PPP1R8: variants seen among roughly 807,000 people sequenced by gnomAD.
PPP1R8 encodes nuclear inhibitor of protein phosphatase 1.
Under a neutral mutation model 31.3 loss-of-function variants are expected in PPP1R8, and 4 were observed. The observed-to-expected ratio is 0.13, with a 90% CI of 0.06 to 0.29. The LOEUF (loss-of-function observed/expected upper bound fraction) is 0.29, where lower values mean the gene tolerates loss of function less well. Ranked by LOEUF, PPP1R8 falls within the 10% of genes least tolerant of loss-of-function variation. The probability of loss-of-function intolerance (pLI) is 1.00; values close to 1 mark genes in which losing one functional copy is unlikely to be tolerated. For missense variants in PPP1R8, 254 were observed against 440.1 expected, an observed-to-expected ratio of 0.58 and a Z score of 3.78; for synonymous variants, 170 against 169.7, an observed-to-expected ratio of 1.00 and a Z score of -0.01.
intron 2 of PPP1R8, 69 bp downstream of exon 2, chr1:27,832,885 AC>A: frequency 6.2e-6 from 8 of 1,297,348 alleles, no homozygotes; most frequent in South Asian, 1.3e-5. Context: ...TCACTTTTCC[AC>A]CCCCTCTCCT....
intron 5 of PPP1R8, among the ~76,000 whole-genome samples, chr1:27,846,720 C>G (rs933960543): frequency 2.6e-5 from 4 of 152,184 alleles, no homozygotes; most frequent in Non-Finnish European, 4.4e-5. Flanking sequence ...TGGTGCAGAT[C>G]ACAGGCCTGT....
intron 2 of PPP1R8, among the ~76,000 whole-genome samples, chr1:27,833,577 G>A (rs1179569179): frequency 6.6e-6 from 1 of 152,028 alleles, no homozygotes; most frequent in Non-Finnish European, 1.5e-5. Flanking sequence ...TAATCCTTAC[G>A]GTATTATTTA....
chr1:27,845,591 A>C (rs1199476230), intron 5 of PPP1R8, among the ~76,000 whole-genome samples: 2 of 151,786 alleles, frequency 1.3e-5, no homozygotes, highest in African/African-American at 4.9e-5. Context: ...TATAGAAGCC[A>C]TTTGTTCATT....
rs1235894374 is a variant in PPP1R8 at position 27,850,259 on chromosome 1, T to G, written c.869T>G (p.Leu290Trp). 6.2e-7 allele frequency: 1 copy of G among 1,614,098 alleles called. No individual in the cohort carries two copies. The highest frequency in any genetic ancestry group is 8.5e-7 in the Non-Finnish European group (1 of 1,180,054). Residue 290 changes from leucine (L) to tryptophan (W), a missense_variant, in exon 7 of 7, where the codon TTG becomes TGG. Around this residue, in one of 6 missense-constraint regions of PPP1R8, gnomAD observed 105 missense variants for 128.0 expected, o/e 0.82. Transcript: ENST00000311772. ...GIHGTALIGGLPMPYPNLAPD... is the reference protein window; with the variant it reads ...GIHGTALIGGWPMPYPNLAPD... ...CATGGGACAGCACTCATCGGTGGCT[T>G]GCCCATGCCATACCCAAACCTTGCC...
intron 6 of PPP1R8, among the ~76,000 whole-genome samples, chr1:27,848,927 TGTAACCACCAC>T (rs1460453383): frequency 1.3e-5 from 2 of 152,224 alleles, no homozygotes; most frequent in Admixed American, 1.3e-4. Context: ...CAAATATATG[TGTAACCACCAC>T]CATAATCAAG....
Position 27,838,808 on chromosome 1 carries a change from A to G in PPP1R8, c.227A>G (p.Tyr76Cys), listed in dbSNP as rs989440159. 1.9e-6 allele frequency: 3 copies of G among 1,611,578 alleles called. No homozygotes were observed. Among genetic ancestry groups the G allele is most frequent in the Non-Finnish European group, 2.5e-6 (3 of 1,179,110 alleles). The change falls in exon 3 of 7, where the codon TAC becomes TGC. Residue 76 changes from tyrosine (Y) to cysteine (C), a missense_variant. Around this residue, in one of 6 missense-constraint regions of PPP1R8, gnomAD observed 52 missense variants for 145.3 expected, o/e 0.36. Transcript: ENST00000311772. ...SCSRVHAALV[Y>C]HKHLKRVFLI... ...TCTCGGGTCCATGCTGCACTTGTCT[A>G]CCACAAGCATCTGAAGAGAGTTTTC...
intron 2 of PPP1R8, among the ~76,000 whole-genome samples, chr1:27,833,190 G>T (rs926321899): frequency 2.0e-5 from 3 of 152,150 alleles, no homozygotes; most frequent in Non-Finnish European, 4.4e-5. Context: ...TAACTTCTAA[G>T]TTAATTTTAA....
At chr1:27,847,305 G>A (rs1238309130) in intron 6 of PPP1R8, among the ~76,000 whole-genome samples, 2 of 152,024 alleles carry the variant, frequency 1.3e-5, no homozygotes, top group East Asian at 1.9e-4. Flanking sequence ...TCAGGAGTTC[G>A]AGACCAACCT....
chr1:27,841,936 G>A (rs1557429213), intron 4 of PPP1R8, among the ~76,000 whole-genome samples: 1 of 152,180 alleles, frequency 6.6e-6, no homozygotes, highest in African/African-American at 2.4e-5. Context: ...GGTGTGATTG[G>A]TCTGTTCAAA....
intron 6 of PPP1R8, among the ~76,000 whole-genome samples, chr1:27,848,839 G>A (rs1421222236): frequency 2.0e-5 from 3 of 152,092 alleles, no homozygotes; most frequent in East Asian, 3.8e-4. Context: ...AAATCAACAG[G>A]TGTATAGTTT....
At position 27,850,369 on chromosome 1, in the gene PPP1R8, G is replaced by A. The variant is rs187415475; in HGVS notation, c.979G>A (p.Val327Ile). ...PNPAVYNPEA[V>I]NEPKKKKYAK... ...CCCTGCAGTCTATAACCCTGAAGCT[G>A]TAAATGAACCCAAGAAGAAGAAATA... The change falls in exon 7 of 7, where the codon GTA becomes ATA. Residue 327 changes from valine to isoleucine, a missense_variant. Around this residue, in one of 6 missense-constraint regions of PPP1R8, gnomAD observed 105 missense variants for 128.0 expected, o/e 0.82. Transcript: ENST00000311772. The A allele has an allele frequency of 4.4e-6, 7 of 1,603,522 alleles. No homozygotes were observed. Among genetic ancestry groups the A allele is most frequent in the Admixed American group, 3.4e-5 (2 of 59,602 alleles).
At chr1:27,836,772 C>T (rs1400874960) in intron 2 of PPP1R8, among the ~76,000 whole-genome samples, 1 of 152,076 alleles carries the variant, frequency 6.6e-6, no homozygotes, top group Non-Finnish European at 1.5e-5. Flanking sequence ...TGGCTAACAC[C>T]GGTAATCCCA....
In PPP1R8 at chr1:27,830,910, A is replaced by C; in HGVS notation, c.56+19A>C. 6.4e-7 allele frequency: 1 copy of C among 1,555,144 alleles called. No individual in the cohort carries two copies. Among genetic ancestry groups the C allele is most frequent in the Non-Finnish European group, 8.7e-7 (1 of 1,150,492 alleles). ...CAACCTGGTGAGTGGCGGGGCGGCC[A>C]GGGCTAGAGTGGCCCGGCCGGAGCT... On this transcript the variant is annotated intron_variant, in intron 1 of 6. Transcript: ENST00000311772.
intron 2 of PPP1R8, chr1:27,834,366 C>G (rs778474021): frequency 1.9e-6 from 1 of 513,484 alleles, no homozygotes; most frequent in Non-Finnish European, 3.9e-6. Context: ...GAGGCGTAGA[C>G]CTGAGATGTG....
chr1:27,846,830 A>G (rs1571556215), intron 5 of PPP1R8, among the ~76,000 whole-genome samples, 198 bp from the exon 6 acceptor site: 1 of 152,310 alleles, frequency 6.6e-6, no homozygotes, highest in Middle Eastern at 3.4e-3. Context: ...TTTCTCATCT[A>G]CTAAATGTTG....
chr1:27,841,289 A>G, intron 4 of PPP1R8, 55 bp downstream of exon 4: 2 of 1,578,548 alleles, frequency 1.3e-6, no homozygotes, highest in South Asian at 1.1e-5. Flanking sequence ...TTTTTGGAGT[A>G]TACAGCTGTT....
At chr1:27,832,888 C>A in intron 2 of PPP1R8, 72 bp downstream of exon 2, 2 of 1,272,842 alleles carry the variant, frequency 1.6e-6, no homozygotes, top group Non-Finnish European at 2.2e-6. Flanking sequence ...CTTTTCCACC[C>A]CCTCTCCTGT....
intron 6 of PPP1R8, 89 bp downstream of exon 6, chr1:27,847,181 CT>C: frequency 4.6e-6 from 6 of 1,309,102 alleles, no homozygotes; most frequent in Non-Finnish European, 6.6e-6. Flanking sequence ...AATCCAAGCA[CT>C]TTGGGAGGCT....
intron 1 of PPP1R8, among the ~76,000 whole-genome samples, chr1:27,831,788 G>A (rs1339186219): frequency 6.6e-6 from 1 of 152,184 alleles, no homozygotes; most frequent in Non-Finnish European, 1.5e-5. Context: ...CATAGAGGAG[G>A]GGTTGGGGCA....
Sources: gnomAD v4.1 joint callset for allele counts (sites outside exome capture counted in the v4.1 genomes callset) on GRCh38, gnomAD v4.1.1 for gene constraint, gnomAD v4.1.1 regional missense constraint, MANE v1.5 for transcripts, NCBI Gene and HGNC (gene_info 2026-07-23, HGNC 2026-07-21) for gene names.